Variants in NDEL1 observed in about 807,000 individuals in gnomAD.
The protein encoded by NDEL1 is nudE neurodevelopment protein 1 like 1, also known as nuclear distribution protein nudE-like 1.
A neutral mutation model predicts 45.7 loss-of-function variants in NDEL1; 9 were observed. The ratio of observed to expected loss-of-function variants is 0.20; its 90% confidence interval spans 0.12 to 0.34. NDEL1 has a LOEUF of 0.34. Ranked by LOEUF, NDEL1 falls within the 10% of genes least tolerant of loss-of-function variation. The pLI is 1.00. For synonymous variants in NDEL1, 133 were observed against 158.6 expected (o/e 0.84, Z 1.21); for missense variants, 306 against 406.2 (o/e 0.75, Z 2.12).
At chr17:8,435,741 T>A (rs546306763), upstream of NDEL1, 7 of 338,134 alleles carry the variant, frequency 2.1e-5, no homozygotes, top group African/African-American at 7.0e-5. Flanking sequence ...GAGGACGCCG[T>A]CAGCTTGGCG....
At chr17:8,463,680 C>G (rs1171245015) in intron 8 of NDEL1, among the ~76,000 whole-genome samples, 1 of 152,220 alleles carries the variant, frequency 6.6e-6, no homozygotes, top group East Asian at 1.9e-4. Context: ...CTGTCAGGCC[C>G]TGGGATCACC....
chr17:8,438,847 T>C (rs1447016427), intron 1 of NDEL1, among the ~76,000 whole-genome samples: 2 of 151,702 alleles, frequency 1.3e-5, no homozygotes, highest in Non-Finnish European at 2.9e-5. Context: ...GTAAATCTGA[T>C]GGGTAAAAGT....
At chr17:8,436,857 ATTAT>A (rs1459931034) in intron 1 of NDEL1, among the ~76,000 whole-genome samples, 3 of 152,280 alleles carry the variant, frequency 2.0e-5, no homozygotes, top group South Asian at 2.1e-4. Context: ...GATGGGGGTA[ATTAT>A]TTATACTTAG....
At chr17:8,416,860 T>C (rs1397677706) in intron 1 of NDEL1, among the ~76,000 whole-genome samples, 1 of 152,204 alleles carries the variant, frequency 6.6e-6, no homozygotes, top group Non-Finnish European at 1.5e-5. Context: ...GTGATCTGTC[T>C]TTTGTTCTCC....
At chr17:8,426,131 G>GT in intron 1 of NDEL1, among the ~76,000 whole-genome samples, 1 of 152,082 alleles carries the variant, frequency 6.6e-6, no homozygotes, top group African/African-American at 2.4e-5. Flanking sequence ...CCTTCTTTTT[G>GT]TTTTTTCATT....
upstream of NDEL1, chr17:8,431,978 C>T (rs1909010899): frequency 1.3e-5 from 2 of 151,348 alleles, no homozygotes; most frequent in South Asian, 2.1e-4. Context: ...TCAAGCTTCA[C>T]CCACCTGAGT....
At chr17:8,430,633 T>G (rs902116595) in intron 1 of NDEL1, among the ~76,000 whole-genome samples, 1 of 152,160 alleles carries the variant, frequency 6.6e-6, no homozygotes, top group African/African-American at 2.4e-5. Flanking sequence ...ACTGTGACAT[T>G]AACCTCTTTG....
chr17:8,414,147 C>T (rs1597509337), intron 1 of NDEL1, among the ~76,000 whole-genome samples: 2 of 152,018 alleles, frequency 1.3e-5, no homozygotes, highest in South Asian at 4.1e-4. Flanking sequence ...TGTAGTATTC[C>T]ATTGTGTGGC....
chr17:8,471,615 C>T (rs1258730168), downstream of NDEL1, among the ~76,000 whole-genome samples: 3 of 152,226 alleles, frequency 2.0e-5, no homozygotes, highest in African/African-American at 7.2e-5. Flanking sequence ...GCTGCTTAGT[C>T]TCAGTAGGGG....
In NDEL1 at chr17:8,423,186, G is replaced by A. The variant is rs1468926687; in HGVS notation, c.-13+9917G>A. Among the ~76,000 whole-genome samples, 10 of 152,098 alleles carry A rather than the reference G, an allele frequency of 6.6e-5. No individual in the cohort carries two copies. In the East Asian group the frequency reaches 1.2e-3, roughly 18 times the overall value. On this transcript the variant is annotated intron_variant, in intron 1 of 4. Coordinates refer to the NDEL1 transcript ENST00000582812. ...TGGGGTATTATTTTGTTCTTATTTCGAAAATGGTCACCAGACAAGTGACCC... is the reference window on the plus strand; with the variant it reads ...TGGGGTATTATTTTGTTCTTATTTCAAAAATGGTCACCAGACAAGTGACCC...
downstream of NDEL1, among the ~76,000 whole-genome samples, chr17:8,468,692 A>G (rs1911754516): frequency 1.3e-5 from 2 of 152,256 alleles, no homozygotes; most frequent in South Asian, 4.1e-4. Flanking sequence ...TGCTTAGAAC[A>G]ACAGAAACAT....
intron 7 of NDEL1, among the ~76,000 whole-genome samples, chr17:8,458,548 C>CTG (rs112741158): frequency 0.42 from 62,321 of 149,906 alleles, 12,830 homozygotes; most frequent in African/African-American, 0.49. Flanking sequence ...TCAATTTCTA[C>CTG]TGTGTGTGTG....
At chr17:8,428,963 G>A (rs12942580) in intron 1 of NDEL1, among the ~76,000 whole-genome samples, 7,882 of 152,180 alleles carry the variant, frequency 0.052, 296 homozygotes, top group East Asian at 0.16. Context: ...ATGAGCCACC[G>A]CGCCCGGCCT....
upstream of NDEL1, among the ~76,000 whole-genome samples, chr17:8,434,138 G>A (rs1018652341): frequency 1.3e-5 from 2 of 152,202 alleles, no homozygotes; most frequent in African/African-American, 2.4e-5. Context: ...ATTACATTGC[G>A]TGCCGCATGG....
At chr17:8,420,086 T>C (rs8069818) in intron 1 of NDEL1, among the ~76,000 whole-genome samples, 109,737 of 152,086 alleles carry the variant, frequency 0.72, 40,043 homozygotes, top group Middle Eastern at 0.81. Context: ...CTGGTTTTCT[T>C]ATGTGGCAGA....
chr17:8,447,483 C>T (rs1278801631), intron 4 of NDEL1, among the ~76,000 whole-genome samples: 1 of 152,186 alleles, frequency 6.6e-6, no homozygotes, highest in Non-Finnish European at 1.5e-5. Context: ...CTGTCTCATG[C>T]ATTCCCCCAT....
chr17:8,449,087 A>G (rs775089923), intron 5 of NDEL1, among the ~76,000 whole-genome samples: 10 of 152,156 alleles, frequency 6.6e-5, no homozygotes, highest in Admixed American at 3.9e-4. Context: ...GGTTCAAACA[A>G]TTCTCCTGCC....
intron 1 of NDEL1, 156 bp downstream of exon 1, chr17:8,436,201 G>T: frequency 4.2e-6 from 1 of 237,608 alleles, no homozygotes; most frequent in Non-Finnish European, 8.4e-6. Context: ...GGGGGCAACT[G>T]TTCCAACCGC....
rs537523420 is a variant in NDEL1, at chr17:8,463,885, G to A, written c.945-3045G>A. ...ACTGCTTTGCAGTTTGCAGAGCCTG[G>A]GCTGAGAACTGGAGCAGGCTGGAGC... On this transcript the variant is annotated intron_variant, in intron 8 of 8. Transcript: ENST00000334527. Among the ~76,000 whole-genome samples the A allele has an allele frequency of 5.3e-5, 8 of 152,326 alleles. No homozygotes were observed. The Middle Eastern group carries it at 0.014, about 259-fold the overall frequency.
Sources: allele counts gnomAD v4.1 joint callset (sites outside exome capture counted in the v4.1 genomes callset), GRCh38; gene constraint gnomAD v4.1.1; transcripts MANE v1.5; gene names NCBI Gene and HGNC (gene_info 2026-07-23, HGNC 2026-07-21).